Variants in SPIDR observed in about 807,000 individuals in gnomAD.
SPIDR encodes DNA repair-scaffolding protein.
SPIDR carries 93 observed loss-of-function variants against 104.6 expected under a neutral mutation model. The observed-to-expected ratio is 0.89, with a 90% CI of 0.75 to 1.06. SPIDR has a LOEUF of 1.06. Ranked by LOEUF, SPIDR falls within the 50% of genes least tolerant of loss-of-function variation. The probability of loss-of-function intolerance (pLI) is 0.00; values close to 1 mark genes in which losing one functional copy is unlikely to be tolerated. For synonymous variants in SPIDR, 431 were observed against 416.9 expected, an observed-to-expected ratio of 1.03 and a Z score of -0.41; for missense variants, 1,154 against 1,111.2, an observed-to-expected ratio of 1.04 and a Z score of -0.55.
chr8:47,474,820 T>C (rs1379542075), intron 8 of SPIDR, among the ~76,000 whole-genome samples: 1 of 152,270 alleles, frequency 6.6e-6, no homozygotes, highest in Non-Finnish European at 1.5e-5. Flanking sequence ...GAATTTGTTA[T>C]TTTCATGTTG....
At chr8:47,412,261 A>C (rs2063638652) in intron 7 of SPIDR, among the ~76,000 whole-genome samples, 1 of 152,124 alleles carries the variant, frequency 6.6e-6, no homozygotes, top group Non-Finnish European at 1.5e-5. Context: ...GGCCATTTTC[A>C]CAATATTGAT....
chr8:47,673,677 C>G (rs976844259), intron 10 of SPIDR, 124 bp from the exon 11 acceptor site: 77 of 1,268,172 alleles, frequency 6.1e-5, no homozygotes, highest in African/African-American at 4.6e-5. Flanking sequence ...TCTTTACTTT[C>G]TTTAAATTAT....
At chr8:47,710,436 T>TTA in intron 14 of SPIDR, among the ~76,000 whole-genome samples, 1 of 152,192 alleles carries the variant, frequency 6.6e-6, no homozygotes, top group African/African-American at 2.4e-5. Context: ...ACAGATAACC[T>TTA]TATAGAAAGC....
chr8:47,729,407 T>TG lies in SPIDR; in HGVS notation c.2551-4dup. The TG allele has an allele frequency of 2.5e-6, 4 of 1,588,932 alleles. No homozygotes were observed. The highest frequency in any genetic ancestry group is 3.4e-6 in the Non-Finnish European group (4 of 1,167,752). ...TTTAACCCAGCCCTGCTTCTGCTGT[T>TG]GCAGCTGTTGCAGCGCAGCATTTCC... On this transcript the variant is annotated splice_polypyrimidine_tract_variant and splice_region_variant and intron_variant, in intron 18 of 19. Coordinates refer to ENST00000297423, the MANE Select transcript of SPIDR (RefSeq NM_001080394.4).
At chr8:47,266,343 C>A (rs1324739846) in intron 1 of SPIDR, among the ~76,000 whole-genome samples, 4 of 152,084 alleles carry the variant, frequency 2.6e-5, no homozygotes, top group African/African-American at 9.7e-5. Flanking sequence ...GTTGCCCAGG[C>A]TGGTCTTGAA....
chr8:47,619,454 C>G (rs2064819499), intron 10 of SPIDR, among the ~76,000 whole-genome samples: 1 of 152,132 alleles, frequency 6.6e-6, no homozygotes, highest in Non-Finnish European at 1.5e-5. Context: ...CTGTGCAGCT[C>G]CCTTTCCTAG....
At chr8:47,407,752 G>A (rs1318564862) in intron 6 of SPIDR, 109 bp from the exon 7 acceptor site, 3 of 520,784 alleles carry the variant, frequency 5.8e-6, no homozygotes, top group Non-Finnish European at 9.9e-6. Context: ...TTAAAATTTT[G>A]CATGTTTTAT....
At chr8:47,671,949 T>G (rs924487624) in intron 10 of SPIDR, among the ~76,000 whole-genome samples, 1 of 152,156 alleles carries the variant, frequency 6.6e-6, no homozygotes, top group African/African-American at 2.4e-5. Flanking sequence ...ATTTGTTTGG[T>G]CTTTTTCCCC....
At chr8:47,308,636 G>T (rs2043553837) in intron 5 of SPIDR, among the ~76,000 whole-genome samples, 1 of 152,096 alleles carries the variant, frequency 6.6e-6, no homozygotes, top group Non-Finnish European at 1.5e-5. Flanking sequence ...CTTTGTGGGT[G>T]GGGGTGGGGA....
chr8:47,593,704 G>C (rs1296758856), intron 8 of SPIDR, among the ~76,000 whole-genome samples: 2 of 152,210 alleles, frequency 1.3e-5, no homozygotes, highest in Non-Finnish European at 2.9e-5. Context: ...GCCACGTGGA[G>C]AGGGAAGTCC....
intron 6 of SPIDR, among the ~76,000 whole-genome samples, chr8:47,399,599 G>T (rs563537098): frequency 6.6e-6 from 1 of 152,342 alleles, no homozygotes; most frequent in South Asian, 2.1e-4. Context: ...ATCAGGCCCT[G>T]TTGGGAAGTC....
chr8:47,685,509 A>ATTTT (rs79918303), intron 11 of SPIDR, among the ~76,000 whole-genome samples: 1,172 of 106,768 alleles, frequency 0.011, 41 homozygotes, highest in Admixed American at 0.039. Flanking sequence ...TTATTTATTT[A>ATTTT]TTTATTTATT....
At chr8:47,669,142 G>A (rs1168069781) in intron 10 of SPIDR, among the ~76,000 whole-genome samples, 2 of 152,048 alleles carry the variant, frequency 1.3e-5, no homozygotes, top group Non-Finnish European at 1.5e-5. Context: ...GCTGCCCCCC[G>A]GGAAGCCATT....
At chr8:47,530,093 C>T (rs960476398) in intron 8 of SPIDR, among the ~76,000 whole-genome samples, 1 of 152,210 alleles carries the variant, frequency 6.6e-6, no homozygotes, top group Admixed American at 6.5e-5. Flanking sequence ...GTATAGCCTA[C>T]TGCTCCTAGG....
At chr8:47,556,137 A>G (rs946546539) in intron 8 of SPIDR, among the ~76,000 whole-genome samples, 1 of 152,184 alleles carries the variant, frequency 6.6e-6, no homozygotes, top group East Asian at 1.9e-4. Flanking sequence ...GCTAGGCCAA[A>G]GAGAAGCCAG....
At chr8:47,729,676 A>G in intron 19 of SPIDR, 1 of 570,282 alleles carries the variant, frequency 1.8e-6, no homozygotes, top group East Asian at 3.0e-5. Context: ...ATTTTAGATC[A>G]TTGTTGAGGT....
chr8:47,712,335 A>G (rs2082001171), intron 14 of SPIDR, among the ~76,000 whole-genome samples: 1 of 152,214 alleles, frequency 6.6e-6, no homozygotes, highest in South Asian at 2.1e-4. Flanking sequence ...ACAGGAAACA[A>G]TGTTGTAATT....
chr8:47,566,979 A>G (rs1475648482), intron 8 of SPIDR, among the ~76,000 whole-genome samples: 1 of 152,180 alleles, frequency 6.6e-6, no homozygotes, highest in African/African-American at 2.4e-5. Flanking sequence ...TATTTGGTCA[A>G]ACTCTAATAT....
intron 5 of SPIDR, among the ~76,000 whole-genome samples, chr8:47,309,716 A>C (rs1198181864): frequency 6.6e-6 from 1 of 152,174 alleles, no homozygotes; most frequent in Non-Finnish European, 1.5e-5. Flanking sequence ...TTGCTTTAGG[A>C]AATATTGTTA....
Sources: allele counts gnomAD v4.1 joint callset (sites outside exome capture counted in the v4.1 genomes callset), GRCh38; gene constraint gnomAD v4.1.1; transcripts MANE v1.5; gene names NCBI Gene and HGNC (gene_info 2026-07-23, HGNC 2026-07-21).